KLHL14: variants seen among roughly 807,000 people sequenced by gnomAD.
KLHL14 encodes kelch-like protein 14.
Under a neutral mutation model 64.3 loss-of-function variants are expected in KLHL14, and 22 were observed. That is an observed-to-expected ratio of 0.34 (90% CI 0.24 to 0.49). The LOEUF (loss-of-function observed/expected upper bound fraction) is 0.49. Among genes scored for constraint, KLHL14 ranks in the 20% least tolerant of loss-of-function variants. The probability of loss-of-function intolerance (pLI) is 0.99; values close to 1 mark genes in which losing one functional copy is unlikely to be tolerated. For synonymous variants in KLHL14, 322 were observed against 333.4 expected, an observed-to-expected ratio of 0.97 and a Z score of 0.37; for missense variants, 661 against 789.0, an observed-to-expected ratio of 0.84 and a Z score of 1.94.
intron 4 of KLHL14, among the ~76,000 whole-genome samples, chr18:32,691,660 G>A (rs1012845669): frequency 6.6e-6 from 1 of 152,184 alleles, no homozygotes; most frequent in African/African-American, 2.4e-5. Flanking sequence ...CAGGAAGAAT[G>A]AGTGTGGTAG....
chr18:32,704,153 C>A (rs1284237531), intron 3 of KLHL14, among the ~76,000 whole-genome samples: 3 of 152,102 alleles, frequency 2.0e-5, no homozygotes, highest in Non-Finnish European at 2.9e-5. Context: ...ATAATAAAAT[C>A]TTTGACAAAG....
At chr18:32,718,454 T>C (rs1269547539) in intron 3 of KLHL14, among the ~76,000 whole-genome samples, 1 of 152,162 alleles carries the variant, frequency 6.6e-6, no homozygotes, top group Non-Finnish European at 1.5e-5. Flanking sequence ...GCAGAGATAT[T>C]TCCCCCCAGA....
chr18:32,758,561 T>C (rs1049712628), intron 2 of KLHL14, among the ~76,000 whole-genome samples: 9 of 152,134 alleles, frequency 5.9e-5, no homozygotes, highest in African/African-American at 1.7e-4. Context: ...ACTGAATTAA[T>C]ATATGAGGCA....
intron 3 of KLHL14, among the ~76,000 whole-genome samples, chr18:32,707,239 G>A (rs2049994979): frequency 6.6e-6 from 1 of 152,190 alleles, no homozygotes; most frequent in South Asian, 2.1e-4. Context: ...CAGGAAGCCA[G>A]GTCTTGGAAA....
intron 3 of KLHL14, chr18:32,734,357 T>G (rs2050152391): frequency 1.5e-6 from 1 of 658,386 alleles, no homozygotes; most frequent in South Asian, 1.7e-5. Context: ...AGCCCCCACA[T>G]GCCTGGATCC....
At chr18:32,771,803 G>A (rs2050387986) in intron 1 of KLHL14, among the ~76,000 whole-genome samples, 4 of 151,722 alleles carry the variant, frequency 2.6e-5, no homozygotes, top group African/African-American at 9.7e-5. Flanking sequence ...GAACGAGCGG[G>A]GGGGCGGGGG....
At chr18:32,694,866 C>T (rs568768302) in intron 4 of KLHL14, among the ~76,000 whole-genome samples, 60 of 152,108 alleles carry the variant, frequency 3.9e-4, no homozygotes, top group Non-Finnish European at 6.9e-4. Flanking sequence ...TTCTTGTGTT[C>T]GATTTGGGAC....
rs201012096 is a variant in KLHL14, at chr18:32,769,984, T to C, written c.608A>G (p.Lys203Arg). Residue 203 changes from lysine to arginine, a missense_variant, in exon 2 of 9, where the codon AAG becomes AGG. Transcript: ENST00000359358. ...AALHGLEETKKLANKYLVEDV... is the reference protein window; with the variant it reads ...AALHGLEETKRLANKYLVEDV... ...CTCCACCAGGTACTTGTTGGCCAGC[T>C]TCTTGGTCTCCTCCAGGCCGTGCAG... The C allele has an allele frequency of 1.9e-6, 3 of 1,614,188 alleles. No individual in the cohort carries two copies. The highest frequency in any genetic ancestry group is 2.5e-6 in the Non-Finnish European group (3 of 1,180,026).
chr18:32,683,828 A>C lies in KLHL14; in HGVS notation c.1239-3229T>G, dbSNP rs28694885. The stretch of plus-strand genomic sequence containing the variant: ...GATTACTATATCCTTACCCTGCTTG[A>C]ATTTTTGACTTTTGTCGTTGGATTA... On this transcript the variant is annotated intron_variant, in intron 5 of 8. Coordinates refer to ENST00000359358, the MANE Select transcript of KLHL14 (RefSeq NM_020805.3). The surrounding 1 kb of genome is among the most constrained non-coding windows in gnomAD (Gnocchi z 4.2). 6.6e-6 allele frequency among the ~76,000 whole-genome samples: 1 copy of C among 152,146 alleles called. No individual in the cohort carries two copies. Among genetic ancestry groups the C allele is most frequent in the Non-Finnish European group, 1.5e-5 (1 of 68,026 alleles).
intron 3 of KLHL14, among the ~76,000 whole-genome samples, chr18:32,696,665 C>CTTTTTTTTTTTTTTTTTTTTTTTTT (rs2049938144): frequency 6.6e-6 from 1 of 152,132 alleles, no homozygotes; most frequent in African/African-American, 2.4e-5. Flanking sequence ...CCAACTCTTA[C>CTTTTTTTTTTTTTTTTTTTTTTTTT]TTTGTGCTCC....
At chr18:32,725,797 A>T (rs1379831724) in intron 3 of KLHL14, among the ~76,000 whole-genome samples, 1 of 152,200 alleles carries the variant, frequency 6.6e-6, no homozygotes, top group Non-Finnish European at 1.5e-5. Context: ...ACAGCTTGTG[A>T]CTTAAGGTGT....
At chr18:32,677,130 C>A in intron 8 of KLHL14, 43 bp downstream of exon 8, 1 of 1,584,048 alleles carries the variant, frequency 6.3e-7, no homozygotes, top group Non-Finnish European at 8.6e-7. Context: ...AAAACGTAAG[C>A]ACAAACGAAA....
intron 5 of KLHL14, among the ~76,000 whole-genome samples, chr18:32,685,276 C>G (rs986527138): frequency 1.3e-5 from 2 of 151,996 alleles, no homozygotes; most frequent in Non-Finnish European, 2.9e-5. Context: ...TACACATTTT[C>G]AAAAAAATTA....
At chr18:32,701,370 A>G (rs60090863) in intron 3 of KLHL14, among the ~76,000 whole-genome samples, 2,921 of 152,322 alleles carry the variant, frequency 0.019, 108 homozygotes, top group African/African-American at 0.066. Flanking sequence ...CAATGGGATG[A>G]TGTGCTAGAG....
intron 3 of KLHL14, among the ~76,000 whole-genome samples, chr18:32,704,492 G>A (rs2049980768): frequency 6.6e-6 from 1 of 152,138 alleles, no homozygotes; most frequent in African/African-American, 2.4e-5. Flanking sequence ...GGGGGCCGAG[G>A]CAGACAGATC....
chr18:32,772,084 T>C, intron 1 of KLHL14: 1 of 229,726 alleles, frequency 4.4e-6, no homozygotes, highest in Non-Finnish European at 8.4e-6. Flanking sequence ...TCTGCTTGCA[T>C]CCCGCCCGCG....
intron 3 of KLHL14, among the ~76,000 whole-genome samples, chr18:32,708,530 G>A (rs2050002252): frequency 6.6e-6 from 1 of 152,132 alleles, no homozygotes; most frequent in South Asian, 2.1e-4. Context: ...TGTCTTCACA[G>A]GGTGCCCTGC....
intron 4 of KLHL14, among the ~76,000 whole-genome samples, chr18:32,690,766 A>T (rs2049903501): frequency 6.6e-6 from 1 of 152,260 alleles, no homozygotes; most frequent in Non-Finnish European, 1.5e-5. Context: ...CTAGGTTTTG[A>T]TTAGAAAAGA....
At chr18:32,732,573 CAA>C (rs1053151611) in intron 3 of KLHL14, among the ~76,000 whole-genome samples, 2 of 152,152 alleles carry the variant, frequency 1.3e-5, no homozygotes, top group African/African-American at 4.8e-5. Flanking sequence ...GCAGAAATTT[CAA>C]GAGTCAGTGT....
Sources: gnomAD v4.1 joint callset for allele counts (sites outside exome capture counted in the v4.1 genomes callset) on GRCh38, gnomAD v4.1.1 for gene constraint, Gnocchi (gnomAD v3.1) non-coding constraint, MANE v1.5 for transcripts, NCBI Gene and HGNC (gene_info 2026-07-23, HGNC 2026-07-21) for gene names.